PAN3: variants seen among roughly 807,000 people sequenced by gnomAD.
PAN3 encodes poly(A) specific ribonuclease subunit PAN3.
A neutral mutation model predicts 96.2 loss-of-function variants in PAN3; 19 were observed. The ratio of observed to expected loss-of-function variants is 0.20; its 90% CI spans 0.14 to 0.29. PAN3 has a LOEUF of 0.29. Among genes scored for constraint, PAN3 ranks in the 10% least tolerant of loss-of-function variants. The pLI is 1.00. For synonymous variants in PAN3, 433 were observed against 406.6 expected (o/e 1.06, Z -0.78); for missense variants, 882 against 1,108.1 (o/e 0.80, Z 2.90).
chr13:28,161,227 A>G (rs1048212819), intron 1 of PAN3, among the ~76,000 whole-genome samples: 1 of 151,918 alleles, frequency 6.6e-6, no homozygotes, highest in African/African-American at 2.4e-5. Context: ...ACAGAAATTT[A>G]TTGTCTCAGG....
chr13:28,161,514 G>A (rs1047577216), intron 1 of PAN3, among the ~76,000 whole-genome samples: 7 of 152,060 alleles, frequency 4.6e-5, no homozygotes, highest in Non-Finnish European at 1.0e-4. Flanking sequence ...AATTATATCT[G>A]CAGTGACTCT....
chr13:28,283,134 C>T (rs553207234), intron 17 of PAN3, among the ~76,000 whole-genome samples: 1 of 152,000 alleles, frequency 6.6e-6, no homozygotes, highest in African/African-American at 2.4e-5. Context: ...CTGCAACCCT[C>T]GCCTCCCAGG....
intron 6 of PAN3, among the ~76,000 whole-genome samples, chr13:28,228,764 T>C (rs1882251483): frequency 6.6e-6 from 1 of 152,148 alleles, no homozygotes; most frequent in Non-Finnish European, 1.5e-5. Flanking sequence ...TCAGCTGCTC[T>C]CTCCGCCATA....
At chr13:28,206,510 T>C (rs1000182732) in intron 5 of PAN3, among the ~76,000 whole-genome samples, 7 of 151,678 alleles carry the variant, frequency 4.6e-5, no homozygotes, top group Non-Finnish European at 8.8e-5. Context: ...TTAGTAGATA[T>C]AGGGTTTTGC....
chr13:28,216,647 G>C (rs1197005947), intron 5 of PAN3, among the ~76,000 whole-genome samples: 1 of 152,022 alleles, frequency 6.6e-6, no homozygotes, highest in East Asian at 1.9e-4. Context: ...TTTACTATGT[G>C]ATTAAAATAA....
At position 28,281,723 on chromosome 13, in the gene PAN3, A is replaced by G. The variant is rs140001967; in HGVS notation, c.2384+344A>G. Among the ~76,000 whole-genome samples, 1,469 of 151,676 alleles carry G rather than the reference A, an allele frequency of 9.7e-3. 17 individuals carry two copies. Among genetic ancestry groups the G allele is most frequent in the African/African-American group, 0.034 (1,402 of 41,296 alleles). ...CCCTGGTCAGTTTAGAGACTTGAGA[A>G]ATCTCTAATTTTTGCATGCCTCTTA... On this transcript the variant is annotated intron_variant, in intron 17 of 18. Coordinates refer to ENST00000380958, the MANE Select transcript of PAN3 (RefSeq NM_175854.8).
At position 28,272,039 on chromosome 13, in the gene PAN3, A is replaced by G; in HGVS notation, c.2017A>G (p.Asn673Asp). Residue 673 changes from asparagine (N) to aspartate (D), a missense_variant, in exon 14 of 19, where the codon AAT becomes GAT. Coordinates refer to ENST00000380958, the MANE Select transcript of PAN3 (RefSeq NM_175854.8). ...DVLTFDNSQN[N>D]NPLALMAQYQ... is the part of the protein sequence containing the mutation. ...TTTAACATTTGATAACAGTCAAAAT[A>G]ATAATCCATTGGCATTAATGGCCCA... 6.3e-7 allele frequency: 1 copy of G among 1,592,672 alleles called. No homozygotes were observed. The highest frequency in any genetic ancestry group is 1.7e-4 in the Middle Eastern group (1 of 5,988).
intron 1 of PAN3, among the ~76,000 whole-genome samples, chr13:28,139,588 T>G: frequency 6.8e-6 from 1 of 146,568 alleles, no homozygotes; most frequent in Admixed American, 6.8e-5. Context: ...TAAGGCTTCG[T>G]GGAGTAGGTT....
At chr13:28,226,697 AAT>A in intron 6 of PAN3, among the ~76,000 whole-genome samples, 1 of 152,242 alleles carries the variant, frequency 6.6e-6, no homozygotes, top group Non-Finnish European at 1.5e-5. Context: ...AATGTTCAAG[AAT>A]ATGCAGGTGA....
At position 28,295,036 on chromosome 13, in the gene PAN3, T is replaced by C. The variant is rs965174760; in HGVS notation, c.*2514T>C. 2.0e-5 allele frequency: 3 copies of C among 151,668 alleles called. No homozygotes were observed. The highest frequency in any genetic ancestry group is 7.3e-5 in the African/African-American group (3 of 41,174). 9.4% of individuals were successfully genotyped at this position (151,668 alleles called of 1,614,324 possible). A position where few individuals can be genotyped will look rare whatever the true frequency, so the allele number is the denominator to read the frequency against. On this transcript the variant is annotated 3_prime_UTR_variant, in exon 19 of 19. Coordinates refer to ENST00000380958, the MANE Select transcript of PAN3 (RefSeq NM_175854.8). ...GATATAAACTTTCCACACCTTCCTG[T>C]CGTGACAGATAAAAGCACAGAAAGG... is the stretch of plus-strand genomic sequence containing the variant.
intron 6 of PAN3, among the ~76,000 whole-genome samples, chr13:28,247,066 T>C (rs1884265008): frequency 6.6e-6 from 1 of 152,122 alleles, no homozygotes; most frequent in Non-Finnish European, 1.5e-5. Context: ...CCTTTTTCCA[T>C]ATCCTCACCA....
In PAN3 at chr13:28,232,011, T is replaced by G. The variant is rs548073758; in HGVS notation, c.1000+11633T>G. Among the ~76,000 whole-genome samples, 65 of 152,348 alleles carry G rather than the reference T, an allele frequency of 4.3e-4. 1 individual carries two copies. The highest frequency in any genetic ancestry group is 1.4e-3 in the African/African-American group (59 of 41,578). On this transcript the variant is annotated intron_variant, in intron 6 of 18. Transcript: ENST00000380958. ...TACTTTTAATCAGTTCATGGTGTTA[T>G]AATTGAAATGTCACTGTTACGCAGT...
intron 6 of PAN3, among the ~76,000 whole-genome samples, chr13:28,223,991 C>T (rs1211689762): frequency 6.7e-5 from 10 of 150,302 alleles, no homozygotes; most frequent in Admixed American, 3.3e-4. Context: ...GCCTCAGCCT[C>T]GCGAGTAGCT....
intron 6 of PAN3, among the ~76,000 whole-genome samples, chr13:28,229,097 T>C (rs1277529793): frequency 6.6e-6 from 1 of 152,210 alleles, no homozygotes; most frequent in Non-Finnish European, 1.5e-5. Flanking sequence ...GTTTCTCCTA[T>C]GATGACTTTT....
chr13:28,265,183 A>C (rs1886057366), intron 9 of PAN3, among the ~76,000 whole-genome samples: 1 of 152,242 alleles, frequency 6.6e-6, no homozygotes, highest in Non-Finnish European at 1.5e-5. Context: ...CGCAAAAGTA[A>C]AAGTTACAGC....
intron 6 of PAN3, among the ~76,000 whole-genome samples, chr13:28,238,800 CT>C (rs939141741): frequency 4.0e-5 from 6 of 151,704 alleles, no homozygotes; most frequent in African/African-American, 1.2e-4. Flanking sequence ...ATTTTTTCCC[CT>C]TTTTTTTCAT....
chr13:28,211,723 A>G (rs936605799), intron 5 of PAN3, among the ~76,000 whole-genome samples: 2 of 152,202 alleles, frequency 1.3e-5, no homozygotes, highest in Non-Finnish European at 2.9e-5. Context: ...CAGAGATTAG[A>G]CTTACCTCTC....
chr13:28,198,487 C>T (rs898461526), intron 5 of PAN3, among the ~76,000 whole-genome samples: 4 of 152,114 alleles, frequency 2.6e-5, no homozygotes, highest in African/African-American at 9.7e-5. Flanking sequence ...CAAATACATT[C>T]CATCTTTGAC....
chr13:28,294,319 G>A lies in PAN3; in HGVS notation c.*1797G>A, dbSNP rs1254983822. ...AAGAAGAACTTGGAGACATTAACATGAAAAAGTCTTTTATCATTAGCTCAT... is the reference window on the plus strand; with the variant it reads ...AAGAAGAACTTGGAGACATTAACATAAAAAAGTCTTTTATCATTAGCTCAT... On this transcript the variant is annotated 3_prime_UTR_variant, in exon 19 of 19. Transcript: ENST00000380958. 6 of 152,598 alleles carry A rather than the reference G, an allele frequency of 3.9e-5. No individual in the cohort carries two copies. Among genetic ancestry groups the A allele is most frequent in the Non-Finnish European group, 8.8e-5 (6 of 68,016 alleles). The allele number at this position is 152,598 out of a possible 1,614,324, so 9.5% of individuals were successfully genotyped here. A position where few individuals can be genotyped will look rare whatever the true frequency, so the allele number is the denominator to read the frequency against.
Sources: allele counts gnomAD v4.1 joint callset (sites outside exome capture counted in the v4.1 genomes callset), GRCh38; gene constraint gnomAD v4.1.1; transcripts MANE v1.5; gene names NCBI Gene and HGNC (gene_info 2026-07-23, HGNC 2026-07-21).